The following PIBF1 variants were observed in gnomAD, a reference collection of about 807,000 sequenced individuals.
PIBF1 encodes progesterone immunomodulatory binding factor 1, also known as progesterone-induced-blocking factor 1.
In PIBF1, 90 loss-of-function variants were observed where a neutral mutation model predicts 112.5. The observed-to-expected ratio is 0.80, with a 90% CI of 0.67 to 0.95. The LOEUF (loss-of-function observed/expected upper bound fraction) is 0.95, where lower values mean the gene tolerates loss of function less well. Among genes scored for constraint, PIBF1 ranks in the 40% least tolerant of loss-of-function variants. The pLI, the probability that PIBF1 is intolerant of heterozygous loss-of-function variation, is 0.00. For synonymous variants in PIBF1, 301 were observed against 288.6 expected (o/e 1.04, Z -0.44); for missense variants, 915 against 852.3 (o/e 1.07, Z -0.92).
At chr13:72,940,475 G>T (rs1255782191) in intron 14 of PIBF1, among the ~76,000 whole-genome samples, 1 of 151,702 alleles carries the variant, frequency 6.6e-6, no homozygotes, top group Non-Finnish European at 1.5e-5. Context: ...CTATTATTTT[G>T]TCATTTCATG....
At chr13:72,788,062 C>T (rs933101291) in intron 2 of PIBF1, among the ~76,000 whole-genome samples, 10 of 152,092 alleles carry the variant, frequency 6.6e-5, no homozygotes, top group Admixed American at 3.3e-4. Flanking sequence ...CGTATGCTAA[C>T]GTTATGAAAA....
intron 14 of PIBF1, among the ~76,000 whole-genome samples, chr13:72,952,906 C>T (rs1033955875): frequency 2.6e-5 from 4 of 151,844 alleles, no homozygotes; most frequent in Non-Finnish European, 5.9e-5. Context: ...AAAAAAATCC[C>T]CAGTATTTTA....
rs868631350 is a variant in PIBF1, at chr13:72,990,542, A to T, written c.2050-8280A>T. ...TCTCTCCATCTCAAAAAAAAAAAAA[A>T]AAAACCTTTTAAATGAAGTTTAAAG... On this transcript the variant is annotated intron_variant, in intron 16 of 17. Coordinates refer to ENST00000326291, the MANE Select transcript of PIBF1 (RefSeq NM_006346.4). 5.4e-3 allele frequency among the ~76,000 whole-genome samples: 784 copies of T among 146,290 alleles called. 15 individuals carry two copies. Among genetic ancestry groups the T allele is most frequent in the African/African-American group, 0.019 (733 of 39,500 alleles).
chr13:72,958,813 C>T (rs1391360847), intron 14 of PIBF1, among the ~76,000 whole-genome samples: 1 of 152,114 alleles, frequency 6.6e-6, no homozygotes, highest in Non-Finnish European at 1.5e-5. Flanking sequence ...AAGTTCAAGA[C>T]GTAAAATGAT....
In PIBF1 at chr13:72,965,417, C is replaced by T; in HGVS notation, c.1964+13C>T. ...AGAAAGATGTCAGGTAAACCATCTA[C>T]AAATCTTTTATTTGAATAATAAAGA... On this transcript the variant is annotated intron_variant, in intron 15 of 17. Coordinates refer to ENST00000326291, the MANE Select transcript of PIBF1 (RefSeq NM_006346.4). 6.3e-7 allele frequency: 1 copy of T among 1,589,444 alleles called. No homozygotes were observed. The highest frequency in any genetic ancestry group is 8.6e-7 in the Non-Finnish European group (1 of 1,168,670).
chr13:73,013,731 CAAAAAA>C (rs113104076), intron 17 of PIBF1, among the ~76,000 whole-genome samples: 10 of 113,060 alleles, frequency 8.8e-5, no homozygotes, highest in Admixed American at 2.2e-4. Context: ...GAGCCTATCT[CAAAAAA>C]AAAAAAAAAA....
At position 72,982,878 on chromosome 13, in the gene PIBF1, G is replaced by C. The variant is rs545904289; in HGVS notation, c.2049+9203G>C. Among the ~76,000 whole-genome samples, 18 of 152,228 alleles carry C rather than the reference G, an allele frequency of 1.2e-4. 2 individuals are homozygous for C. The South Asian group carries it at 3.7e-3, about 32-fold the overall frequency. On this transcript the variant is annotated intron_variant, in intron 16 of 17. Coordinates refer to ENST00000326291, the MANE Select transcript of PIBF1 (RefSeq NM_006346.4). ...CATACTACTTTTACATACAATTTTA[G>C]ATACATACTACTGAAAGTAGGCCAT...
chr13:72,998,824 A>T lies in PIBF1; in HGVS notation c.2052A>T (p.Glu684Asp), dbSNP rs773872455. The T allele has an allele frequency of 2.5e-6, 4 of 1,609,554 alleles. No individual in the cohort carries two copies. The highest frequency in any genetic ancestry group is 3.4e-6 in the Non-Finnish European group (4 of 1,177,306). Reference sequence around the variant, plus strand: ...CTTCTGTTTTCATATATCAACAGGAATTGGCAGCAATGAAACAGATTCTCG... The same window carrying T: ...CTTCTGTTTTCATATATCAACAGGATTTGGCAGCAATGAAACAGATTCTCG... ...DLEQLLNHRE[E>D]LAAMKQILVK... is the part of the protein sequence containing the mutation. Residue 684 changes from glutamate (E) to aspartate (D), a missense_variant and splice_region_variant, in exon 17 of 18, where the codon GAA becomes GAT. Physicochemically the swap from Glu to Asp is conservative, Grantham distance 45. Coordinates refer to ENST00000326291, the MANE Select transcript of PIBF1 (RefSeq NM_006346.4).
intron 16 of PIBF1, among the ~76,000 whole-genome samples, chr13:72,987,663 A>AT (rs1326675132): frequency 6.9e-6 from 1 of 145,216 alleles, no homozygotes; most frequent in Admixed American, 6.9e-5. Context: ...TTTATTTAGA[A>AT]TTTTTTTATT....
chr13:72,949,438 C>G (rs1180544700), intron 14 of PIBF1, among the ~76,000 whole-genome samples: 1 of 151,040 alleles, frequency 6.6e-6, no homozygotes, highest in Non-Finnish European at 1.5e-5. Context: ...GCCTCATCCT[C>G]CCCAGTAGCT....
intron 5 of PIBF1, among the ~76,000 whole-genome samples, chr13:72,803,539 G>A (rs958647356): frequency 1.3e-5 from 2 of 151,978 alleles, no homozygotes; most frequent in Admixed American, 6.6e-5. Context: ...AGAACAGAGG[G>A]GTGTTTGTTG....
At chr13:72,791,344 A>G (rs1279259725) in intron 2 of PIBF1, among the ~76,000 whole-genome samples, 1 of 151,700 alleles carries the variant, frequency 6.6e-6, no homozygotes, top group African/African-American at 2.4e-5. Context: ...GTGAATCACC[A>G]CGCCCTGCCT....
chr13:72,909,879 C>T (rs2040838232), intron 12 of PIBF1, among the ~76,000 whole-genome samples: 1 of 151,982 alleles, frequency 6.6e-6, no homozygotes, highest in Admixed American at 6.6e-5. Context: ...TTCCTTTTTT[C>T]TTGTTTTCCC....
intron 16 of PIBF1, among the ~76,000 whole-genome samples, chr13:72,995,161 G>A (rs1241149090): frequency 6.6e-6 from 1 of 151,830 alleles, no homozygotes; most frequent in African/African-American, 2.4e-5. Context: ...AATTAGCCGG[G>A]CATGGTAGTG....
chr13:72,854,001 A>G (rs1181781556), intron 9 of PIBF1, 56 bp from the exon 10 acceptor site: 1 of 1,279,744 alleles, frequency 7.8e-7, no homozygotes, highest in East Asian at 2.3e-5. Context: ...ATCTTTAAGA[A>G]AGAACATAGA....
intron 9 of PIBF1, among the ~76,000 whole-genome samples, chr13:72,848,296 T>C (rs2037961938): frequency 6.6e-6 from 1 of 152,190 alleles, no homozygotes; most frequent in African/African-American, 2.4e-5. Context: ...TTACCACTTT[T>C]CAGATATAAA....
intron 16 of PIBF1, among the ~76,000 whole-genome samples, chr13:72,987,858 A>ATTTATTTTTTTTTTTT (rs1345167411): frequency 1.2e-4 from 7 of 58,132 alleles, no homozygotes; most frequent in African/African-American, 6.5e-4. Flanking sequence ...TTATTTATTT[A>ATTTATTTTTTTTTTTT]TTTTTTTTTT....
intron 2 of PIBF1, among the ~76,000 whole-genome samples, chr13:72,785,990 A>G (rs2034578918): frequency 6.6e-6 from 1 of 152,188 alleles, no homozygotes; most frequent in Non-Finnish European, 1.5e-5. Context: ...AGATGCACAC[A>G]GTTTGGGTTT....
intron 14 of PIBF1, among the ~76,000 whole-genome samples, chr13:72,952,035 C>CTTTTTTTT (rs67211238): frequency 4.1e-5 from 5 of 123,000 alleles, no homozygotes; most frequent in Non-Finnish European, 8.5e-5. Context: ...TTTCTTTTCT[C>CTTTTTTTT]TTTTTTTTTT....
Sources: gnomAD v4.1 joint callset for allele counts (sites outside exome capture counted in the v4.1 genomes callset) on GRCh38, gnomAD v4.1.1 for gene constraint, MANE v1.5 for transcripts, NCBI Gene and HGNC (gene_info 2026-07-23, HGNC 2026-07-21) for gene names.